The following THRB variants were observed in gnomAD, a reference collection of about 807,000 sequenced individuals.
THRB encodes thyroid hormone receptor beta, also known as nuclear receptor subfamily 1 group A member 2.
A neutral mutation model predicts 47.8 loss-of-function variants in THRB; 12 were observed. That is an observed-to-expected ratio of 0.25 (90% CI 0.16 to 0.41). The LOEUF (loss-of-function observed/expected upper bound fraction) is 0.41, where lower values mean the gene tolerates loss of function less well. THRB is among the 10% of genes least tolerant of loss of function. The pLI is 1.00. For missense variants in THRB, 348 were observed against 589.2 expected (o/e 0.59, Z 4.24); for synonymous variants, 218 against 212.2 (o/e 1.03, Z -0.24).
intron 3 of THRB, among the ~76,000 whole-genome samples, chr3:24,273,911 C>T (rs2053619822): frequency 6.6e-6 from 1 of 151,904 alleles, no homozygotes; most frequent in Admixed American, 6.6e-5. Context: ...CATATTTTCT[C>T]AGAAAGGCCT....
chr3:24,396,887 C>G (rs2067005499), intron 1 of THRB, among the ~76,000 whole-genome samples: 1 of 152,138 alleles, frequency 6.6e-6, no homozygotes, highest in Non-Finnish European at 1.5e-5. Context: ...GTGTCTAGTG[C>G]TTTCCTGGCT....
chr3:24,243,850 A>G (rs1239078098), intron 3 of THRB, among the ~76,000 whole-genome samples: 1 of 151,960 alleles, frequency 6.6e-6, no homozygotes, highest in Non-Finnish European at 1.5e-5. Flanking sequence ...CTTAGTAAAT[A>G]CTCGTTAAAT....
chr3:24,253,466 A>C (rs1048662873), intron 3 of THRB, among the ~76,000 whole-genome samples: 1 of 152,186 alleles, frequency 6.6e-6, no homozygotes, highest in African/African-American at 2.4e-5. Context: ...AATTAAACAA[A>C]TAAATGTCAC....
chr3:24,237,977 T>C (rs915291291), intron 3 of THRB: 51 of 151,940 alleles, frequency 3.4e-4, no homozygotes, highest in African/African-American at 1.2e-3. Context: ...CAGTAAAAAT[T>C]TTATGAGACC....
chr3:24,417,252 G>A (rs368709582), intron 1 of THRB, among the ~76,000 whole-genome samples: 43 of 151,952 alleles, frequency 2.8e-4, no homozygotes, highest in South Asian at 2.1e-3. Flanking sequence ...GTGTATTTAT[G>A]CAAGTAGGCT....
chr3:24,139,715 C>T (rs1418029257), intron 8 of THRB, among the ~76,000 whole-genome samples: 1 of 152,134 alleles, frequency 6.6e-6, no homozygotes, highest in Non-Finnish European at 1.5e-5. Context: ...GAGTGCTGGT[C>T]TTAAAGTGAA....
chr3:24,451,598 G>A (rs181041985), intron 1 of THRB, among the ~76,000 whole-genome samples: 14 of 152,208 alleles, frequency 9.2e-5, no homozygotes, highest in African/African-American at 3.4e-4. Context: ...CTGGTTCAGG[G>A]ACCTCTATTC....
At chr3:24,411,397 A>G (rs1201825816) in intron 1 of THRB, among the ~76,000 whole-genome samples, 1 of 151,736 alleles carries the variant, frequency 6.6e-6, no homozygotes, top group South Asian at 2.1e-4. Flanking sequence ...GATCTCTGAG[A>G]TGTTTTACTT....
At chr3:24,341,652 A>C (rs1217955082) in intron 1 of THRB, among the ~76,000 whole-genome samples, 1 of 152,204 alleles carries the variant, frequency 6.6e-6, no homozygotes, top group Non-Finnish European at 1.5e-5. Flanking sequence ...GAAGAGGTTA[A>C]GTCTATTCTC....
chr3:24,437,398 T>C (rs1446311034), intron 1 of THRB, among the ~76,000 whole-genome samples: 1 of 151,750 alleles, frequency 6.6e-6, no homozygotes, highest in Non-Finnish European at 1.5e-5. Flanking sequence ...AGGGGGAAGA[T>C]GAAGAGAAGT....
chr3:24,299,766 C>CTTTTTT (rs1360367092), intron 2 of THRB, among the ~76,000 whole-genome samples: 658 of 57,810 alleles, frequency 0.011, 193 homozygotes, highest in Middle Eastern at 0.029. Context: ...GGGAAGTATG[C>CTTTTTT]TTTTTTATTT....
At chr3:24,336,220 C>G (rs2062239711) in intron 2 of THRB, among the ~76,000 whole-genome samples, 1 of 152,170 alleles carries the variant, frequency 6.6e-6, no homozygotes, top group Non-Finnish European at 1.5e-5. Flanking sequence ...ACAGGGGGCC[C>G]CAAGGGAGGG....
intron 1 of THRB, among the ~76,000 whole-genome samples, chr3:24,376,813 C>T (rs1273061809): frequency 6.6e-6 from 1 of 152,158 alleles, no homozygotes; most frequent in Non-Finnish European, 1.5e-5. Context: ...AAGACAATGA[C>T]ATCTAAAGTT....
At chr3:24,488,022 G>T (rs1200773802) in intron 1 of THRB, among the ~76,000 whole-genome samples, 1 of 152,130 alleles carries the variant, frequency 6.6e-6, no homozygotes, top group Non-Finnish European at 1.5e-5. Flanking sequence ...TACTCAACAG[G>T]TTCCTGAATG....
intron 3 of THRB, among the ~76,000 whole-genome samples, chr3:24,287,406 T>G (rs2055423401): frequency 1.3e-5 from 2 of 152,182 alleles, no homozygotes; most frequent in Admixed American, 6.5e-5. Context: ...TTATTTAAAC[T>G]TTCATTCATT....
At chr3:24,328,841 T>G (rs1206224645) in intron 2 of THRB, among the ~76,000 whole-genome samples, 1 of 152,208 alleles carries the variant, frequency 6.6e-6, no homozygotes, top group Admixed American at 6.5e-5. Context: ...GTTTACAATT[T>G]TAAAATGGTT....
At position 24,268,369 on chromosome 3, in the gene THRB, G is replaced by A. The variant is rs184557925; in HGVS notation, c.-43+28857C>T. Reference sequence around the variant, plus strand: ...AATATAACAAAAGCTGGAAGATAGTGCAGCGAGGTGGGAAGAAATGAGATC... The same window carrying A: ...AATATAACAAAAGCTGGAAGATAGTACAGCGAGGTGGGAAGAAATGAGATC... On this transcript the variant is annotated intron_variant, in intron 3 of 10. Coordinates refer to ENST00000646209, the MANE Select transcript of THRB (RefSeq NM_001354712.2). 5.3e-5 allele frequency among the ~76,000 whole-genome samples: 8 copies of A among 152,350 alleles called. No homozygotes were observed. The East Asian group carries it at 1.5e-3, about 29-fold the overall frequency.
At chr3:24,138,431 G>A (rs2034988346) in intron 8 of THRB, among the ~76,000 whole-genome samples, 1 of 152,162 alleles carries the variant, frequency 6.6e-6, no homozygotes, top group Admixed American at 6.5e-5. Flanking sequence ...AGTGCATGTA[G>A]TAACCACTTA....
At chr3:24,170,673 C>G (rs1381954153) in intron 5 of THRB, among the ~76,000 whole-genome samples, 1 of 152,100 alleles carries the variant, frequency 6.6e-6, no homozygotes, top group Non-Finnish European at 1.5e-5. Context: ...ATATTCCTCC[C>G]TTTAGCTCTT....
Sources: allele counts gnomAD v4.1 joint callset (sites outside exome capture counted in the v4.1 genomes callset), GRCh38; gene constraint gnomAD v4.1.1; transcripts MANE v1.5; gene names NCBI Gene and HGNC (gene_info 2026-07-23, HGNC 2026-07-21).